The following MACROH2A2 variants were observed in gnomAD, a reference collection of about 807,000 sequenced individuals.
MACROH2A2 encodes macroH2A.2 histone, also known as core histone macro-H2A.2.
In MACROH2A2, 6 loss-of-function variants were observed where a neutral mutation model predicts 37.6. That is an observed-to-expected ratio of 0.16 (90% CI 0.09 to 0.32). The LOEUF (loss-of-function observed/expected upper bound fraction) is 0.32. MACROH2A2 is among the 10% of genes least tolerant of loss of function. MACROH2A2 has a pLI of 1.00. For synonymous variants in MACROH2A2, 192 were observed against 202.7 expected (o/e 0.95, Z 0.45); for missense variants, 290 against 485.9 (o/e 0.60, Z 3.79).
At chr10:70,109,840 G>T (rs926102676) in intron 8 of MACROH2A2, among the ~76,000 whole-genome samples, 1 of 152,126 alleles carries the variant, frequency 6.6e-6, no homozygotes. Flanking sequence ...ATCCCAGCTG[G>T]GCATTGTTTC....
At chr10:70,106,114 G>A (rs554837769) in intron 7 of MACROH2A2, among the ~76,000 whole-genome samples, 49 of 152,284 alleles carry the variant, frequency 3.2e-4, no homozygotes, top group African/African-American at 1.1e-3. Flanking sequence ...CAGGACAAGG[G>A]GCCAACCTAG....
intron 1 of MACROH2A2, among the ~76,000 whole-genome samples, chr10:70,063,646 A>G (rs2072061874): frequency 6.6e-6 from 1 of 152,256 alleles, no homozygotes; most frequent in Admixed American, 6.5e-5. Context: ...TTAAAATGTT[A>G]AAGTCAAATG....
At chr10:70,076,334 G>C (rs778307791) in intron 2 of MACROH2A2, among the ~76,000 whole-genome samples, 8 of 152,218 alleles carry the variant, frequency 5.3e-5, no homozygotes, top group Non-Finnish European at 8.8e-5. Context: ...TGAAGCCGAT[G>C]TAATGTTCTA....
chr10:70,075,228 T>A lies in MACROH2A2; in HGVS notation c.-59-372T>A, dbSNP rs2072133121. 6.6e-6 allele frequency among the ~76,000 whole-genome samples: 1 copy of A among 152,218 alleles called. No homozygotes were observed. The highest frequency in any genetic ancestry group is 1.5e-5 in the Non-Finnish European group (1 of 68,034). On this transcript the variant is annotated intron_variant, in intron 1 of 8. Coordinates refer to ENST00000373255, the MANE Select transcript of MACROH2A2 (RefSeq NM_018649.3). This position sits in a 1 kb window ranked among gnomAD's most constrained non-coding sequence, Gnocchi z 5.0. ...CCCCATCTCAAGACCCTTAGCTTAATCCCATCTGCAAAGTCTCTGTCATAT... is the reference window on the plus strand; with the variant it reads ...CCCCATCTCAAGACCCTTAGCTTAAACCCATCTGCAAAGTCTCTGTCATAT...
At chr10:70,070,136 G>A (rs1436288055) in intron 1 of MACROH2A2, among the ~76,000 whole-genome samples, 1 of 152,154 alleles carries the variant, frequency 6.6e-6, no homozygotes, top group Non-Finnish European at 1.5e-5. Flanking sequence ...GAGTCCCCAG[G>A]AGGGCCTGGG....
intron 8 of MACROH2A2, among the ~76,000 whole-genome samples, chr10:70,111,114 C>A (rs1489848504): frequency 6.6e-6 from 1 of 151,884 alleles, no homozygotes; most frequent in East Asian, 1.9e-4. Flanking sequence ...ACTAAAAATA[C>A]AAAAATTAGC....
At chr10:70,084,532 C>T (rs1160035907) in intron 2 of MACROH2A2, among the ~76,000 whole-genome samples, 2 of 152,212 alleles carry the variant, frequency 1.3e-5, no homozygotes, top group Non-Finnish European at 2.9e-5. Context: ...AGCACCACTG[C>T]ACTCCAGCCT....
At chr10:70,079,553 G>A (rs889376182) in intron 2 of MACROH2A2, among the ~76,000 whole-genome samples, 14 of 105,422 alleles carry the variant, frequency 1.3e-4, no homozygotes, top group African/African-American at 4.8e-4. Flanking sequence ...TTGAGGGTTC[G>A]CGCGCGCGCG....
At chr10:70,088,678 C>T (rs16927253) in intron 2 of MACROH2A2, among the ~76,000 whole-genome samples, 9,922 of 152,308 alleles carry the variant, frequency 0.065, 470 homozygotes, top group East Asian at 0.24. Context: ...TGCTTTCCTA[C>T]GCAGGTCTCC....
intron 6 of MACROH2A2, chr10:70,098,967 C>G (rs2072291649): frequency 6.6e-6 from 1 of 152,220 alleles, no homozygotes; most frequent in African/African-American, 2.4e-5. Context: ...GCCTTCTGCA[C>G]ATTCCCATTT....
At chr10:70,102,505 A>T (rs143095631) in intron 7 of MACROH2A2, among the ~76,000 whole-genome samples, 2,122 of 152,188 alleles carry the variant, frequency 0.014, 39 homozygotes, top group African/African-American at 0.048. Context: ...GATCACGAGG[A>T]CAGGAGTTCA....
chr10:70,101,730 C>T (rs1275262174), intron 7 of MACROH2A2, among the ~76,000 whole-genome samples: 1 of 152,176 alleles, frequency 6.6e-6, no homozygotes, highest in Non-Finnish European at 1.5e-5. Context: ...CTGGACATTT[C>T]ATATAAATGG....
At chr10:70,079,137 C>T (rs528058117) in intron 2 of MACROH2A2, among the ~76,000 whole-genome samples, 11 of 152,128 alleles carry the variant, frequency 7.2e-5, no homozygotes, top group Admixed American at 2.0e-4. Flanking sequence ...TCGGGAACTG[C>T]GGGTTGGGGG....
At chr10:70,077,998 G>A (rs759222125) in intron 2 of MACROH2A2, among the ~76,000 whole-genome samples, 1 of 152,134 alleles carries the variant, frequency 6.6e-6, no homozygotes, top group Non-Finnish European at 1.5e-5. Flanking sequence ...CTCAAGCCAC[G>A]CAGTTTTGCT....
At chr10:70,098,556 G>A (rs193053533) in intron 6 of MACROH2A2, 5 of 152,336 alleles carry the variant, frequency 3.3e-5, no homozygotes, top group African/African-American at 9.6e-5. Context: ...TGTTGAGGAA[G>A]CTGGGCCATT....
intron 2 of MACROH2A2, among the ~76,000 whole-genome samples, chr10:70,088,298 CT>C (rs142020823): frequency 0.015 from 2,238 of 152,266 alleles, 51 homozygotes; most frequent in African/African-American, 0.046. Context: ...CACATGCACA[CT>C]TTCCCCCCTC....
intron 2 of MACROH2A2, among the ~76,000 whole-genome samples, chr10:70,077,043 C>A (rs541346760): frequency 4.5e-4 from 69 of 152,064 alleles, no homozygotes; most frequent in African/African-American, 1.5e-3. Flanking sequence ...AGCTAAAAGT[C>A]CTTCCCTCCT....
intron 7 of MACROH2A2, among the ~76,000 whole-genome samples, chr10:70,108,409 G>C (rs1013238381): frequency 6.6e-6 from 1 of 152,108 alleles, no homozygotes; most frequent in Non-Finnish European, 1.5e-5. Context: ...TGGAGGCTCA[G>C]GGAAGGATCC....
chr10:70,105,288 G>A (rs2072330495), intron 7 of MACROH2A2, among the ~76,000 whole-genome samples: 1 of 152,236 alleles, frequency 6.6e-6, no homozygotes, highest in South Asian at 2.1e-4. Context: ...GGATGTGGAT[G>A]TGATTGTAGG....
Sources: allele counts gnomAD v4.1 joint callset (sites outside exome capture counted in the v4.1 genomes callset), GRCh38; gene constraint gnomAD v4.1.1; non-coding constraint Gnocchi (gnomAD v3.1); transcripts MANE v1.5; gene names NCBI Gene and HGNC (gene_info 2026-07-23, HGNC 2026-07-21).